The following EMC10 variants were observed in gnomAD, a reference collection of about 807,000 sequenced individuals.
The protein encoded by EMC10 is UPF0510 protein INM02.
In EMC10, 40 loss-of-function variants were observed where a neutral mutation model predicts 32.2. The ratio of observed to expected loss-of-function variants is 1.24; its 90% CI spans 0.96 to 1.61. The LOEUF (loss-of-function observed/expected upper bound fraction) is 1.61. EMC10 is among the 40% of genes most tolerant of loss of function. The probability of loss-of-function intolerance (pLI) is 0.00; values close to 1 mark genes in which losing one functional copy is unlikely to be tolerated. For missense variants in EMC10, 402 were observed against 357.7 expected, an observed-to-expected ratio of 1.12 and a Z score of -1.00; for synonymous variants, 178 against 158.4, an observed-to-expected ratio of 1.12 and a Z score of -0.93.
Position 50,482,445 on chromosome 19 carries a change from C to T in EMC10, c.*186C>T. On this transcript the variant is annotated 3_prime_UTR_variant, in exon 7 of 7. Transcript: ENST00000334976. ...TGGCAGAGGAGCAGCTGGACTGGGG[C>T]CTTTGGCACAGCAGCCGGTGTCTCC... The T allele has an allele frequency of 1.7e-6, 1 of 590,404 alleles. No homozygotes were observed. Among genetic ancestry groups the T allele is most frequent in the South Asian group, 2.0e-5 (1 of 49,438 alleles). 36.6% of individuals were successfully genotyped at this position (590,404 alleles called of 1,614,324 possible). A position where few individuals can be genotyped will look rare whatever the true frequency, so the allele number is the denominator to read the frequency against.
chr19:50,483,481 G>A lies in EMC10; in HGVS notation c.*1222G>A, dbSNP rs1233739082. The A allele has an allele frequency of 5.2e-5, 9 of 174,650 alleles. No individual in the cohort carries two copies. The highest frequency in any genetic ancestry group is 9.8e-5 in the Non-Finnish European group (8 of 81,980). 10.8% of individuals were successfully genotyped at this position (174,650 alleles called of 1,614,324 possible). On this transcript the variant is annotated 3_prime_UTR_variant, in exon 7 of 7. Coordinates refer to ENST00000334976, the MANE Select transcript of EMC10 (RefSeq NM_206538.4). Reference sequence around the variant, plus strand: ...GGAATTACGATGGCAGATCGGAAACGCGTTTATAAACAAGTGATGGTTTGT... The same window carrying A: ...GGAATTACGATGGCAGATCGGAAACACGTTTATAAACAAGTGATGGTTTGT...
intron 1 of EMC10, among the ~76,000 whole-genome samples, chr19:50,477,659 C>T (rs968302185): frequency 7.2e-5 from 11 of 152,044 alleles, no homozygotes; most frequent in Admixed American, 1.3e-4. Flanking sequence ...GTATTTGTGG[C>T]GCAAGGCTTG....
rs1394279200 is a variant in EMC10, at chr19:50,490,020, G to T, written c.*7761G>T. 6.6e-6 allele frequency: 1 copy of T among 152,238 alleles called. No individual in the cohort carries two copies. Among genetic ancestry groups the T allele is most frequent in the Non-Finnish European group, 1.5e-5 (1 of 68,118 alleles). 9.4% of individuals were successfully genotyped at this position (152,238 alleles called of 1,614,324 possible). A position where few individuals can be genotyped will look rare whatever the true frequency, so the allele number is the denominator to read the frequency against. ...AGGCAGAGAAAGCAAAGCAAGACCA[G>T]ACTCCTCATCCGGTAACACTGTGTC... is the stretch of plus-strand genomic sequence containing the variant. On this transcript the variant is annotated 3_prime_UTR_variant, in exon 7 of 7. Coordinates refer to ENST00000334976, the MANE Select transcript of EMC10 (RefSeq NM_206538.4).
At position 50,480,937 on chromosome 19, in the gene EMC10, C is replaced by A; in HGVS notation, c.638C>A (p.Ala213Asp). ...ERLEMEQAQK[A>D]KNPQEQKSFF... ...CTGGAGATGGAACAGGCCCAGAAGG[C>A]CAAGAACCCCCAGGAGCAGAAGTCC... The change falls in exon 6 of 7, where the codon GCC (alanine) becomes GAC (aspartate). Residue 213 changes from alanine (A) to aspartate (D), a missense_variant. By Grantham distance (126) the Ala-to-Asp change is moderately radical (BLOSUM62 -2). Coordinates refer to ENST00000334976, the MANE Select transcript of EMC10 (RefSeq NM_206538.4). The surrounding 1 kb of genome is among the most constrained non-coding windows in gnomAD (Gnocchi z 4.4). The A allele has an allele frequency of 6.2e-7, 1 of 1,612,904 alleles. No individual in the cohort carries two copies. Among genetic ancestry groups the A allele is most frequent in the Non-Finnish European group, 8.5e-7 (1 of 1,179,124 alleles).
chr19:50,481,034 CA>C, intron 6 of EMC10, 57 bp downstream of exon 6: 2 of 1,405,300 alleles, frequency 1.4e-6, no homozygotes, highest in Non-Finnish European at 2.0e-6. Flanking sequence ...GGTGCCTGGC[CA>C]GGCCCTCCAT....
intron 1 of EMC10, among the ~76,000 whole-genome samples, chr19:50,477,693 T>G (rs1038908322): frequency 6.6e-6 from 1 of 152,174 alleles, no homozygotes; most frequent in African/African-American, 2.4e-5. Flanking sequence ...GATAGTTGCT[T>G]TGGCAATGAG....
chr19:50,478,932 G>T lies in EMC10; in HGVS notation c.188-25G>T, dbSNP rs369980944. 6 of 1,561,666 alleles carry T rather than the reference G, an allele frequency of 3.8e-6. No homozygotes were observed. In the South Asian group the frequency reaches 7.0e-5, roughly 18 times the overall value. ...TTGAAGGGTGGGCGGGGGAGGGGGCGTCTCTGAACCTGAGCTCCTCACAGA... is the reference window on the plus strand; with the variant it reads ...TTGAAGGGTGGGCGGGGGAGGGGGCTTCTCTGAACCTGAGCTCCTCACAGA... On this transcript the variant is annotated intron_variant, in intron 2 of 6. Transcript: ENST00000334976.
chr19:50,476,549 C>CGGCAGCCAGCGCTGG lies in EMC10; in HGVS notation c.10_24dup (p.Ala4_Ala8dup). 6.4e-7 allele frequency: 1 copy of CGGCAGCCAGCGCTGG among 1,571,950 alleles called. No homozygotes were observed. Among genetic ancestry groups the CGGCAGCCAGCGCTGG allele is most frequent in the Non-Finnish European group, 8.6e-7 (1 of 1,164,458 alleles). Reference sequence around the variant, plus strand: ...CGCTGGTGGGAAGAAGCCGAGATGGCGGCAGCCAGCGCTGGGGCAACCCGG... The same window carrying CGGCAGCCAGCGCTGG: ...CGCTGGTGGGAAGAAGCCGAGATGGCGGCAGCCAGCGCTGGGGCAGCCAGCGCTGGGGCAACCCGG... On this transcript the variant is annotated inframe_insertion, in exon 1 of 7. Coordinates refer to ENST00000334976, the MANE Select transcript of EMC10 (RefSeq NM_206538.4).
Position 50,480,745 on chromosome 19 carries a change from G to A in EMC10, c.567G>A (p.Pro189=), listed in dbSNP as rs10410120. 2.2e-3 allele frequency: 3,537 copies of A among 1,592,844 alleles called. 81 individuals carry two copies. In the African/African-American group the frequency reaches 0.042, roughly 19 times the overall value. Residue 189 remains proline, a synonymous_variant, in exon 5 of 7, where the codon CCG becomes CCA. Coordinates refer to ENST00000334976, the MANE Select transcript of EMC10 (RefSeq NM_206538.4). This position sits in a 1 kb window ranked among gnomAD's most constrained non-coding sequence, Gnocchi z 4.4. The part of the protein sequence containing the change: ...ELFNTSVQLQ[P]PTTAPGPETA... ...TCAACACCTCGGTGCAGCTGCAGCC[G>A]CCCACCACAGCCCCAGGGTGAGCCT...
Position 50,480,112 on chromosome 19 carries a change from A to ATG in EMC10, c.302_303dup (p.Ala102TrpfsTer4). ...AGCACCCTCTTCTCCCATCCCCAGG[A>ATG]TGTGGCAGCCCTGAATGGCCTGTAC... On this transcript the variant is annotated frameshift_variant and splice_region_variant, in exon 4 of 7. Transcript: ENST00000334976. LOFTEE classifies it high-confidence loss of function. This position sits in a 1 kb window ranked among gnomAD's most constrained non-coding sequence, Gnocchi z 4.4. The ATG allele has an allele frequency of 6.2e-7, 1 of 1,608,812 alleles. No individual in the cohort carries two copies. The highest frequency in any genetic ancestry group is 8.5e-7 in the Non-Finnish European group (1 of 1,178,104).
rs907377775 is a variant in EMC10 at position 50,487,109 on chromosome 19, A to T, written c.*4850A>T. The T allele has an allele frequency of 2.0e-5, 3 of 152,250 alleles. No individual in the cohort carries two copies. The highest frequency in any genetic ancestry group is 7.2e-5 in the African/African-American group (3 of 41,536). The allele number at this position is 152,250 out of a possible 1,614,324, so 9.4% of individuals were successfully genotyped here. A position where few individuals can be genotyped will look rare whatever the true frequency, so the allele number is the denominator to read the frequency against. ...CTGCAGGGGGCGCTGTTGGTCCTTC[A>T]GGCAAGGTCGGGTTCCCTCGAAGTC... On this transcript the variant is annotated 3_prime_UTR_variant, in exon 7 of 7. Transcript: ENST00000334976.
rs1291768064 is a variant in EMC10 at position 50,486,898 on chromosome 19, A to AC, written c.*4642dup. 1 of 151,368 alleles carries AC rather than the reference A, an allele frequency of 6.6e-6. No individual in the cohort carries two copies. Among genetic ancestry groups the AC allele is most frequent in the Admixed American group, 6.6e-5 (1 of 15,172 alleles). 9.4% of individuals were successfully genotyped at this position (151,368 alleles called of 1,614,324 possible). On this transcript the variant is annotated 3_prime_UTR_variant, in exon 7 of 7. Transcript: ENST00000334976. The stretch of plus-strand genomic sequence containing the variant: ...CAACTTCTCCCTCTCCCCTCCTTCC[A>AC]CCCAGTATCCCCTGTTCCTCCCCCA...
In EMC10 at chr19:50,476,578, C is replaced by T. The variant is rs749608074; in HGVS notation, c.34C>T (p.Leu12Phe). 3 of 1,575,740 alleles carry T rather than the reference C, an allele frequency of 1.9e-6. No homozygotes were observed. The highest frequency in any genetic ancestry group is 1.8e-5 in the Admixed American group (1 of 56,440). The change falls in exon 1 of 7, where the codon CTC (leucine) becomes TTC (phenylalanine). Residue 12 changes from leucine to phenylalanine, a missense_variant. Transcript: ENST00000334976. ...AAASAGATRL[L>F]LLLLMAVAAP... Reference sequence around the variant, plus strand: ...AGCCAGCGCTGGGGCAACCCGGCTGCTCCTGCTCTTGCTGATGGCGGTAGC... The same window carrying T: ...AGCCAGCGCTGGGGCAACCCGGCTGTTCCTGCTCTTGCTGATGGCGGTAGC...
In EMC10 at chr19:50,482,238, T is replaced by C. The variant is rs760554946; in HGVS notation, c.768T>C (p.Gly256=). Residue 256 remains glycine (G), a synonymous_variant, in exon 7 of 7, where the codon GGT becomes GGC. Coordinates refer to ENST00000334976, the MANE Select transcript of EMC10 (RefSeq NM_206538.4). The part of the protein sequence containing the change: ...GGQGGGGGGG[G]GGGSGR Reference sequence around the variant, plus strand: ...AGGGTGGGGGTGGGGGTGGGGGTGGTGGTGGGGGTAGTGGCCGGTGAGGGC... The same window carrying C: ...AGGGTGGGGGTGGGGGTGGGGGTGGCGGTGGGGGTAGTGGCCGGTGAGGGC... 2.0e-4 allele frequency: 19 copies of C among 96,954 alleles called. No homozygotes were observed. Among genetic ancestry groups the C allele is most frequent in the Non-Finnish European group, 3.1e-4 (16 of 52,140 alleles). 6.0% of individuals were successfully genotyped at this position (96,954 alleles called of 1,614,324 possible).
chr19:50,481,746 G>A (rs1321005227), intron 6 of EMC10: 3 of 856,832 alleles, frequency 3.5e-6, no homozygotes, highest in Non-Finnish European at 5.3e-6. Context: ...CAGAGGCTGA[G>A]CCCTTGCCTG....
Position 50,488,408 on chromosome 19 carries a change from CAG to C in EMC10, c.*6151_*6152del. ...TCAGAAGTGGAAAGAGAAGAAAAAA[CAG>C]AAGAGGAAAGAAAGACGAGGGGGTG... is the stretch of plus-strand genomic sequence containing the variant. On this transcript the variant is annotated 3_prime_UTR_variant, in exon 7 of 7. Transcript: ENST00000334976. 1 of 142,418 alleles carries C rather than the reference CAG, an allele frequency of 7.0e-6. No homozygotes were observed. The highest frequency in any genetic ancestry group is 2.3e-4 in the South Asian group (1 of 4,366). The allele number at this position is 142,418 out of a possible 1,614,324, so 8.8% of individuals were successfully genotyped here.
chr19:50,479,725 T>C (rs556337573), intron 3 of EMC10, among the ~76,000 whole-genome samples: 172 of 152,326 alleles, frequency 1.1e-3, no homozygotes, highest in African/African-American at 3.7e-3. Context: ...GGTACCCACA[T>C]GATTCTCTTG....
Position 50,480,457 on chromosome 19 carries a change from T to C in EMC10, c.403-124T>C, listed in dbSNP as rs2040299617. ...GGGCGGTTGAACTTGGGCCTGAGGG[T>C]AACAGGGAGCCATGGGAAGGTTTTG... On this transcript the variant is annotated intron_variant, in intron 4 of 6. Coordinates refer to ENST00000334976, the MANE Select transcript of EMC10 (RefSeq NM_206538.4). The surrounding 1 kb of genome is among the most constrained non-coding windows in gnomAD (Gnocchi z 4.4). 2.4e-6 allele frequency: 3 copies of C among 1,224,670 alleles called. No homozygotes were observed. The highest frequency in any genetic ancestry group is 3.4e-6 in the Non-Finnish European group (3 of 884,204). 75.9% of individuals were successfully genotyped at this position (1,224,670 alleles called of 1,614,324 possible).
In EMC10 at chr19:50,488,013, C is replaced by T. The variant is rs115979053; in HGVS notation, c.*5754C>T. On this transcript the variant is annotated 3_prime_UTR_variant, in exon 7 of 7. Transcript: ENST00000334976. ...GTAGGAAAAAAGCAGGAGGAAAGAG[C>T]CGGGCACGGTGGCTCACGCCTGTAA... 0.019 allele frequency: 2,934 copies of T among 152,404 alleles called. 99 individuals carry two copies. The highest frequency in any genetic ancestry group is 0.067 in the African/African-American group (2,792 of 41,374). The allele number at this position is 152,404 out of a possible 1,614,324, so 9.4% of individuals were successfully genotyped here.
Sources: allele counts gnomAD v4.1 joint callset (sites outside exome capture counted in the v4.1 genomes callset), GRCh38; gene constraint gnomAD v4.1.1; non-coding constraint Gnocchi (gnomAD v3.1); transcripts MANE v1.5; gene names NCBI Gene and HGNC (gene_info 2026-07-23, HGNC 2026-07-21).